The following UNC13C variants were observed in gnomAD, a reference collection of about 807,000 sequenced individuals.
The protein encoded by UNC13C is protein unc-13 homolog C.
In UNC13C, 174 loss-of-function variants were observed where a neutral mutation model predicts 245.4. The ratio of observed to expected loss-of-function variants is 0.71; its 90% confidence interval spans 0.63 to 0.80. The LOEUF is 0.80. Ranked by LOEUF, UNC13C falls within the 30% of genes least tolerant of loss-of-function variation. The pLI is 0.00. For synonymous variants in UNC13C, 992 were observed against 895.1 expected, an observed-to-expected ratio of 1.11 and a Z score of -1.93; for missense variants, 2,829 against 2,602.9, an observed-to-expected ratio of 1.09 and a Z score of -1.89.
chr15:53,943,198 T>A, the UNC13C span, among the ~76,000 whole-genome samples: 1 of 152,210 alleles, frequency 6.6e-6, no homozygotes, highest in East Asian at 1.9e-4. Context: ...TCCTCACTGA[T>A]TGGCAGTGCT....
At chr15:53,873,137 G>A in the UNC13C span, among the ~76,000 whole-genome samples, 5 of 87,232 alleles carry the variant, frequency 5.7e-5, no homozygotes, top group South Asian at 8.0e-4. Context: ...ACAGGGACAC[G>A]TTTTTTTTTT....
intron 13 of UNC13C, among the ~76,000 whole-genome samples, 165 bp from the exon 14 acceptor site, chr15:54,321,774 A>G (rs1386613231): frequency 6.6e-6 from 1 of 151,950 alleles, no homozygotes; most frequent in Non-Finnish European, 1.5e-5. Flanking sequence ...TGAATGGGAA[A>G]TTTTCAGAAG....
intron 2 of UNC13C, among the ~76,000 whole-genome samples, chr15:54,067,323 T>C (rs1898121533): frequency 6.6e-6 from 1 of 152,144 alleles, no homozygotes. Context: ...ATCTTTTAGG[T>C]TGACTTTTAG....
chr15:53,934,105 G>A, the UNC13C span, among the ~76,000 whole-genome samples: 3 of 152,220 alleles, frequency 2.0e-5, no homozygotes, highest in Non-Finnish European at 4.4e-5. Context: ...GAGAGAGAGT[G>A]AGGGAGGTGC....
intron 2 of UNC13C, among the ~76,000 whole-genome samples, chr15:54,080,545 T>C (rs1393956636): frequency 6.6e-6 from 1 of 152,072 alleles, no homozygotes. Flanking sequence ...TGTTTTAATC[T>C]TGGGAAGTCA....
intron 2 of UNC13C, among the ~76,000 whole-genome samples, chr15:54,118,472 T>G (rs1382001783): frequency 6.6e-6 from 1 of 152,186 alleles, no homozygotes; most frequent in African/African-American, 2.4e-5. Flanking sequence ...TATATAGAAA[T>G]GATACTGATT....
the UNC13C span, among the ~76,000 whole-genome samples, chr15:53,962,040 T>C: frequency 2.0e-5 from 3 of 152,210 alleles, no homozygotes; most frequent in Non-Finnish European, 4.4e-5. Context: ...CTTTAAGAGA[T>C]AGCTCCTCTC....
rs71436273 is a variant in UNC13C, at chr15:54,192,898, C to CCACA, written c.3072-42113_3072-42110dup. ...CTCTCTTTCTTTCTCTTTCTCTGTG[C>CCACA]CACACACACACACACACACACAAAC... On this transcript the variant is annotated intron_variant, in intron 4 of 32. Transcript: ENST00000260323. 1.1e-3 allele frequency among the ~76,000 whole-genome samples: 169 copies of CCACA among 148,210 alleles called. 1 individual carries two copies. The highest frequency in any genetic ancestry group is 5.1e-3 in the South Asian group (24 of 4,678).
chr15:53,852,550 C>T, the UNC13C span, among the ~76,000 whole-genome samples: 1 of 152,144 alleles, frequency 6.6e-6, no homozygotes, highest in South Asian at 2.1e-4. Context: ...TATTCTATAT[C>T]TGTGGAAATT....
chr15:54,088,061 T>C lies in UNC13C; in HGVS notation c.2984-54957T>C, dbSNP rs188268441. Among the ~76,000 whole-genome samples the C allele has an allele frequency of 1.4e-3, 216 of 151,422 alleles. 1 individual carries two copies. Among genetic ancestry groups the C allele is most frequent in the Admixed American group, 3.6e-3 (55 of 15,208 alleles). On this transcript the variant is annotated intron_variant, in intron 2 of 32. Coordinates refer to ENST00000260323, the MANE Select transcript of UNC13C (RefSeq NM_001080534.3). ...TATAGCCTACAAATCCTGAATATTA[T>C]ATATATATATATCTTGATTTTAAAA...
At chr15:54,602,605 A>C (rs2141274522) in intron 30 of UNC13C, among the ~76,000 whole-genome samples, 1 of 152,292 alleles carries the variant, frequency 6.6e-6, no homozygotes, top group African/African-American at 2.4e-5. Context: ...CTTATGTTTA[A>C]GTATTTTAAC....
chr15:53,941,710 T>C, the UNC13C span, among the ~76,000 whole-genome samples: 4 of 150,926 alleles, frequency 2.7e-5, no homozygotes, highest in African/African-American at 7.3e-5. Flanking sequence ...TTACACAAAA[T>C]TACAAGAAAA....
At chr15:53,875,619 G>C in the UNC13C span, among the ~76,000 whole-genome samples, 4 of 152,182 alleles carry the variant, frequency 2.6e-5, no homozygotes, top group Non-Finnish European at 5.9e-5. Flanking sequence ...TGATGTATCT[G>C]ATAGTGATGT....
chr15:53,963,010 CATG>C, the UNC13C span, among the ~76,000 whole-genome samples: 1 of 152,176 alleles, frequency 6.6e-6, no homozygotes, highest in Admixed American at 6.5e-5. Context: ...TTCTCGACTG[CATG>C]ATTTTTTCAC....
intron 4 of UNC13C, among the ~76,000 whole-genome samples, chr15:54,213,224 T>C (rs1403418110): frequency 6.6e-6 from 1 of 152,010 alleles, no homozygotes; most frequent in Non-Finnish European, 1.5e-5. Context: ...TATAAATATA[T>C]ATAATTATTA....
At chr15:54,147,789 C>CGTGTGCGTGTGTGT (rs2032340018) in intron 4 of UNC13C, among the ~76,000 whole-genome samples, 1 of 147,592 alleles carries the variant, frequency 6.8e-6, no homozygotes, top group East Asian at 2.0e-4. Context: ...AAGGTGTGTG[C>CGTGTGCGTGTGTGT]GTGTGTGTGT....
At chr15:54,266,610 A>G (rs2036554216) in intron 10 of UNC13C, among the ~76,000 whole-genome samples, 1 of 152,052 alleles carries the variant, frequency 6.6e-6, no homozygotes, top group Non-Finnish European at 1.5e-5. Flanking sequence ...CCAGTTTTTC[A>G]GGAAGCTGGA....
intron 30 of UNC13C, among the ~76,000 whole-genome samples, chr15:54,599,478 A>C: frequency 6.6e-6 from 1 of 151,912 alleles, no homozygotes. Context: ...TTTTTATGCT[A>C]TTTGTGGATA....
At chr15:54,218,967 G>T (rs1028076315) in intron 4 of UNC13C, among the ~76,000 whole-genome samples, 4 of 151,952 alleles carry the variant, frequency 2.6e-5, no homozygotes, top group African/African-American at 9.7e-5. Flanking sequence ...ACAAATGGAA[G>T]AACATTCCAT....
Sources: allele counts gnomAD v4.1 joint callset (sites outside exome capture counted in the v4.1 genomes callset), GRCh38; gene constraint gnomAD v4.1.1; transcripts MANE v1.5; gene names NCBI Gene and HGNC (gene_info 2026-07-23, HGNC 2026-07-21).